The following PRKG2 variants were observed in gnomAD, a reference collection of about 807,000 sequenced individuals.
PRKG2 encodes the protein cGMP-dependent protein kinase 2.
In PRKG2, 33 loss-of-function variants were observed where a neutral mutation model predicts 97.2. The observed-to-expected ratio is 0.34, with a 90% confidence interval of 0.26 to 0.45. The LOEUF is 0.45. Among genes scored for constraint, PRKG2 ranks in the 20% least tolerant of loss-of-function variants. PRKG2 has a pLI of 1.00. For missense variants in PRKG2, 638 were observed against 900.0 expected (o/e 0.71, Z 3.73); for synonymous variants, 330 against 321.8 (o/e 1.03, Z -0.27).
intron 6 of PRKG2, among the ~76,000 whole-genome samples, chr4:81,162,742 T>TC: frequency 6.6e-6 from 1 of 152,164 alleles, no homozygotes; most frequent in Non-Finnish European, 1.5e-5. Flanking sequence ...TATAGGATGA[T>TC]CCTGATCCCC....
chr4:81,174,976 G>A lies in PRKG2; in HGVS notation c.462-17C>T, dbSNP rs1750797984. 3.2e-6 allele frequency: 5 copies of A among 1,567,630 alleles called. No homozygotes were observed. The highest frequency in any genetic ancestry group is 4.3e-6 in the Non-Finnish European group (5 of 1,151,588). On this transcript the variant is annotated splice_polypyrimidine_tract_variant and intron_variant, in intron 2 of 18. Coordinates refer to ENST00000264399, the MANE Select transcript of PRKG2 (RefSeq NM_006259.3). ...TTCTTCTCACTGGTATAATGGAAAA[G>A]AGATGTTAGTTACAATTAATGAAAA... is the stretch of plus-strand genomic sequence containing the variant.
chr4:81,120,813 G>A (rs1442135901), intron 14 of PRKG2, among the ~76,000 whole-genome samples: 1 of 152,112 alleles, frequency 6.6e-6, no homozygotes, highest in Non-Finnish European at 1.5e-5. Context: ...GCATTAACTA[G>A]GACTTCCAGT....
chr4:81,147,747 G>T (rs761915835), intron 9 of PRKG2, among the ~76,000 whole-genome samples: 2 of 152,060 alleles, frequency 1.3e-5, no homozygotes, highest in African/African-American at 4.8e-5. Flanking sequence ...GACTCATTTT[G>T]TATCTGTAGA....
intron 12 of PRKG2, among the ~76,000 whole-genome samples, chr4:81,137,888 T>C (rs1042446171): frequency 2.0e-5 from 3 of 152,194 alleles, no homozygotes; most frequent in African/African-American, 7.2e-5. Flanking sequence ...ATAGTAGTTA[T>C]TCATGTCAAT....
chr4:81,204,868 C>T lies in PRKG2; in HGVS notation c.180G>A (p.Lys60=). The change falls in exon 2 of 19, where the codon AAG becomes AAA. Residue 60 remains lysine, a synonymous_variant. Coordinates refer to ENST00000264399, the MANE Select transcript of PRKG2 (RefSeq NM_006259.3). ...HLKELREQLS[K]QTVAIAELTE... ...TGAGTTCAGCAATGGCCACAGTCTG[C>T]TTCGACAGCTGCTCCCGCAGCTCCT... is the stretch of plus-strand genomic sequence containing the variant. 6.2e-7 allele frequency: 1 copy of T among 1,614,212 alleles called. No individual in the cohort carries two copies. The highest frequency in any genetic ancestry group is 8.5e-7 in the Non-Finnish European group (1 of 1,180,040).
intron 6 of PRKG2, among the ~76,000 whole-genome samples, chr4:81,165,879 G>A (rs993771332): frequency 6.6e-6 from 1 of 151,668 alleles, no homozygotes; most frequent in South Asian, 2.1e-4. Context: ...ATCCCCTCTG[G>A]TGAATCTACT....
chr4:81,133,537 G>A (rs1360259736), intron 14 of PRKG2, among the ~76,000 whole-genome samples: 1 of 152,054 alleles, frequency 6.6e-6, no homozygotes, highest in African/African-American at 2.4e-5. Context: ...TCAAACCCCA[G>A]AGGAATTCTC....
intron 6 of PRKG2, among the ~76,000 whole-genome samples, chr4:81,159,906 C>G (rs1332707254): frequency 1.5e-5 from 2 of 137,698 alleles, no homozygotes; most frequent in African/African-American, 5.5e-5. Context: ...GGGAATTGAA[C>G]AATGAGAACA....
Position 81,104,389 on chromosome 4 carries a change from T to G in PRKG2, c.2107A>C (p.Asn703His). ...ERLGNLKNGI[N>H]DIKKHRWLNG... ...ATGTACCTGTGTTTCTTAATGTCAT[T>G]TATTCCATTCTTCAGATTTCCCAGC... The change falls in exon 17 of 19, where the codon AAT (asparagine) becomes CAT (histidine). Residue 703 changes from asparagine (N) to histidine (H), a missense_variant. Asn to His is a moderately conservative substitution (Grantham distance 68). Coordinates refer to ENST00000264399, the MANE Select transcript of PRKG2 (RefSeq NM_006259.3). The G allele has an allele frequency of 6.7e-7, 1 of 1,496,288 alleles. No homozygotes were observed. The highest frequency in any genetic ancestry group is 8.9e-7 in the Non-Finnish European group (1 of 1,120,702). The allele number at this position is 1,496,288 out of a possible 1,614,324, so 92.7% of individuals were successfully genotyped here. A position where few individuals can be genotyped will look rare whatever the true frequency, so the allele number is the denominator to read the frequency against.
At chr4:81,193,717 G>A (rs569016210) in intron 2 of PRKG2, among the ~76,000 whole-genome samples, 91 of 152,106 alleles carry the variant, frequency 6.0e-4, no homozygotes, top group South Asian at 1.3e-3. Flanking sequence ...GTGGGCGCCC[G>A]TAATCCCAGT....
chr4:81,153,569 C>T, intron 7 of PRKG2, 75 bp downstream of exon 7: 2 of 1,206,756 alleles, frequency 1.7e-6, no homozygotes, highest in East Asian at 2.5e-5. Context: ...TGTTGCAATG[C>T]AAAGCATAGT....
At chr4:81,114,337 A>G (rs2109988785) in intron 14 of PRKG2, among the ~76,000 whole-genome samples, 1 of 152,284 alleles carries the variant, frequency 6.6e-6, no homozygotes, top group African/African-American at 2.4e-5. Flanking sequence ...AAAAAAAAGA[A>G]TTGAATGAAG....
chr4:81,153,944 G>T (rs1171130698), intron 6 of PRKG2, among the ~76,000 whole-genome samples: 1 of 152,156 alleles, frequency 6.6e-6, no homozygotes, highest in Admixed American at 6.5e-5. Context: ...GCGAGGCATT[G>T]CCTCACTCAG....
chr4:81,104,272 G>T, intron 17 of PRKG2, 98 bp downstream of exon 17: 1 of 759,804 alleles, frequency 1.3e-6, no homozygotes, highest in Non-Finnish European at 2.0e-6. Context: ...TTGAAAGTCT[G>T]GAAAGGGACC....
chr4:81,178,074 T>G (rs1751092602), intron 2 of PRKG2, among the ~76,000 whole-genome samples: 3 of 133,458 alleles, frequency 2.2e-5, no homozygotes, highest in Non-Finnish European at 4.9e-5. Flanking sequence ...ATCCTGGGTG[T>G]CTACCTGGGG....
chr4:81,106,456 G>A (rs1483220054), intron 15 of PRKG2, among the ~76,000 whole-genome samples: 6 of 152,088 alleles, frequency 3.9e-5, no homozygotes, highest in African/African-American at 7.2e-5. Context: ...GGACAATATC[G>A]CATAGATGAA....
chr4:81,129,489 A>G (rs1745943710), intron 14 of PRKG2, among the ~76,000 whole-genome samples: 1 of 152,164 alleles, frequency 6.6e-6, no homozygotes, highest in Non-Finnish European at 1.5e-5. Context: ...TAGGTCTGTA[A>G]GAACTTGCTT....
At chr4:81,123,830 T>C (rs1196293255) in intron 14 of PRKG2, among the ~76,000 whole-genome samples, 1 of 152,250 alleles carries the variant, frequency 6.6e-6, no homozygotes, top group Non-Finnish European at 1.5e-5. Context: ...TTGGATTTTC[T>C]GTTTCCTTTG....
Position 81,174,827 on chromosome 4 carries a change from T to C in PRKG2, c.594A>G (p.Gln198=). The C allele has an allele frequency of 1.2e-6, 2 of 1,612,908 alleles. No homozygotes were observed. The highest frequency in any genetic ancestry group is 1.7e-5 in the Admixed American group (1 of 59,988). ...CAAAGATATGGTTTCCTGGTTCTCCTTGCTTAATAATGTAACTCCCTTGCT... is the reference window on the plus strand; with the variant it reads ...CAAAGATATGGTTTCCTGGTTCTCCCTGCTTAATAATGTAACTCCCTTGCT... ...NYQQGSYIIK[Q]GEPGNHIFVL... Residue 198 remains glutamine (Q), a synonymous_variant, in exon 3 of 19, where the codon CAA becomes CAG. Coordinates refer to ENST00000264399, the MANE Select transcript of PRKG2 (RefSeq NM_006259.3).
Sources: gnomAD v4.1 joint callset for allele counts (sites outside exome capture counted in the v4.1 genomes callset) on GRCh38, gnomAD v4.1.1 for gene constraint, MANE v1.5 for transcripts, NCBI Gene and HGNC (gene_info 2026-07-23, HGNC 2026-07-21) for gene names.